UTP4: variants seen among roughly 807,000 people sequenced by gnomAD.
UTP4 encodes UTP4 small subunit processome component.
In UTP4, 45 loss-of-function variants were observed where a neutral mutation model predicts 82.4. That is an observed-to-expected ratio of 0.55 (90% CI 0.43 to 0.70). The LOEUF is 0.70. UTP4 is among the 30% of genes least tolerant of loss of function. The pLI is 0.00. For synonymous variants in UTP4, 348 were observed against 300.3 expected (o/e 1.16, Z -1.64); for missense variants, 819 against 858.3 (o/e 0.95, Z 0.57).
chr16:69,165,142 C>T (rs531376672), intron 14 of UTP4, among the ~76,000 whole-genome samples, 199 bp from the exon 15 acceptor site: 4 of 150,768 alleles, frequency 2.7e-5, no homozygotes, highest in South Asian at 4.2e-4. Context: ...TTGCAGTGAG[C>T]GGAGATCACG....
intron 12 of UTP4, among the ~76,000 whole-genome samples, chr16:69,158,189 T>G (rs1157257765): frequency 1.4e-5 from 2 of 140,346 alleles, no homozygotes; most frequent in South Asian, 2.4e-4. Flanking sequence ...TTTTTTTTTT[T>G]TTGAGATGGC....
chr16:69,153,285 T>C (rs1963324134), intron 8 of UTP4, among the ~76,000 whole-genome samples: 1 of 152,226 alleles, frequency 6.6e-6, no homozygotes, highest in African/African-American at 2.4e-5. Context: ...TGTCTCCTTA[T>C]TTTTCAGTAC....
intron 6 of UTP4, among the ~76,000 whole-genome samples, chr16:69,147,220 T>C (rs555543079): frequency 7.0e-6 from 1 of 142,648 alleles, no homozygotes; most frequent in African/African-American, 2.6e-5. Context: ...ATAATAATAA[T>C]AAGCCGGGCG....
At chr16:69,157,287 T>C (rs1411795489) in intron 12 of UTP4, 47 bp downstream of exon 12, 14 of 1,603,792 alleles carry the variant, frequency 8.7e-6, no homozygotes, top group African/African-American at 1.3e-5. Flanking sequence ...GTGTCTAAGA[T>C]GTAACTTTTT....
chr16:69,165,598 G>A (rs1278069250), intron 15 of UTP4, 72 bp downstream of exon 15: 1 of 1,269,518 alleles, frequency 7.9e-7, no homozygotes, highest in East Asian at 2.3e-5. Context: ...AGTACAATAA[G>A]GTAAGAGGAC....
chr16:69,146,299 A>C (rs1197591605), intron 6 of UTP4, among the ~76,000 whole-genome samples: 1 of 152,206 alleles, frequency 6.6e-6, no homozygotes, highest in African/African-American at 2.4e-5. Context: ...ACCTGTACTC[A>C]TTAAACACTA....
At chr16:69,154,194 G>A (rs751521157) in intron 9 of UTP4, among the ~76,000 whole-genome samples, 199 bp from the exon 10 acceptor site, 4 of 152,174 alleles carry the variant, frequency 2.6e-5, no homozygotes, top group Non-Finnish European at 4.4e-5. Context: ...TGATGTATCA[G>A]AGGATAGAAG....
intron 9 of UTP4, 101 bp downstream of exon 9, chr16:69,153,781 T>G (rs1364494658): frequency 3.8e-6 from 3 of 797,292 alleles, no homozygotes; most frequent in African/African-American, 3.4e-5. Context: ...TGAAGTAGAC[T>G]TTTGTGTCCA....
At chr16:69,143,520 A>C in intron 6 of UTP4, 131 bp downstream of exon 6, 1 of 821,116 alleles carries the variant, frequency 1.2e-6, no homozygotes, top group Non-Finnish European at 2.1e-6. Flanking sequence ...TGAGTTTAGG[A>C]AAATGCATCT....
chr16:69,164,804 C>T (rs1326394641), intron 14 of UTP4, among the ~76,000 whole-genome samples: 3 of 151,408 alleles, frequency 2.0e-5, no homozygotes, highest in Non-Finnish European at 4.4e-5. Flanking sequence ...TGGGCATGAC[C>T]GATATATATG....
At chr16:69,146,583 A>G (rs1279752560) in intron 6 of UTP4, among the ~76,000 whole-genome samples, 1 of 152,168 alleles carries the variant, frequency 6.6e-6, no homozygotes, top group Non-Finnish European at 1.5e-5. Flanking sequence ...GCTCTAGGCC[A>G]GGTGCGGTGG....
chr16:69,162,761 C>T (rs554680224), intron 13 of UTP4, among the ~76,000 whole-genome samples: 37 of 145,628 alleles, frequency 2.5e-4, no homozygotes, highest in African/African-American at 8.4e-4. Flanking sequence ...TGGTGGTAGG[C>T]GCCTGTAATC....
chr16:69,153,899 G>A (rs1963342912), intron 9 of UTP4, among the ~76,000 whole-genome samples: 1 of 152,128 alleles, frequency 6.6e-6, no homozygotes, highest in Admixed American at 6.5e-5. Context: ...ATGGCTCTAG[G>A]TGGTGCGCTG....
At chr16:69,168,292 C>T (rs1414584398) in intron 16 of UTP4, among the ~76,000 whole-genome samples, 4 of 151,862 alleles carry the variant, frequency 2.6e-5, no homozygotes, top group South Asian at 2.1e-4. Flanking sequence ...AAAAATTAGC[C>T]GGGCGTGGTG....
rs771955667 is a variant in UTP4, at chr16:69,150,665, C to T, written c.867C>T (p.Asp289=). The T allele has an allele frequency of 1.6e-5, 26 of 1,614,092 alleles. No individual in the cohort carries two copies. The highest frequency in any genetic ancestry group is 1.3e-4 in the Admixed American group (8 of 60,004). The change falls in exon 7 of 17, where the codon GAC becomes GAT. Residue 289 remains aspartate (D), a synonymous_variant. Coordinates refer to ENST00000314423, the MANE Select transcript of UTP4 (RefSeq NM_032830.3). ...RTKPFQHHTH[D]VRTVAHSPTA... ...AACCGTTCCAGCATCACACTCATGA[C>T]GTGCGCACTGTGGCCCACAGCCCAA...
chr16:69,151,212 G>A, intron 8 of UTP4, among the ~76,000 whole-genome samples: 1 of 151,874 alleles, frequency 6.6e-6, no homozygotes, highest in Middle Eastern at 3.2e-3. Flanking sequence ...TTCCATGTTG[G>A]TCAGGCTGAT....
intron 6 of UTP4, among the ~76,000 whole-genome samples, chr16:69,144,182 C>T (rs1597137994): frequency 1.3e-5 from 2 of 151,570 alleles, no homozygotes; most frequent in East Asian, 3.9e-4. Context: ...GCCACTGTGC[C>T]TGGCCTATTT....
chr16:69,138,992 G>A (rs1002245986), intron 4 of UTP4: 2 of 116,922 alleles, frequency 1.7e-5, no homozygotes, highest in African/African-American at 3.3e-5. Flanking sequence ...TTCCTGAGAT[G>A]GAGTCTTGCT....
In UTP4 at chr16:69,168,958, C is replaced by G; in HGVS notation, c.*21C>G. ...CCTAAAACAGGGCACTGTCTGTGTC[C>G]TTCCTTGAACTGTCTACCCTGTTGC... On this transcript the variant is annotated 3_prime_UTR_variant, in exon 17 of 17. Coordinates refer to ENST00000314423, the MANE Select transcript of UTP4 (RefSeq NM_032830.3). 7.3e-7 allele frequency: 1 copy of G among 1,365,136 alleles called. No individual in the cohort carries two copies. The highest frequency in any genetic ancestry group is 1.0e-6 in the Non-Finnish European group (1 of 952,474). The allele number at this position is 1,365,136 out of a possible 1,614,324, so 84.6% of individuals were successfully genotyped here.
Sources: allele counts gnomAD v4.1 joint callset (sites outside exome capture counted in the v4.1 genomes callset), GRCh38; gene constraint gnomAD v4.1.1; transcripts MANE v1.5; gene names NCBI Gene and HGNC (gene_info 2026-07-23, HGNC 2026-07-21).